Variants in DSG2 observed in about 807,000 individuals in gnomAD.
DSG2 encodes desmoglein-2.
DSG2 carries 45 observed loss-of-function variants against 75.6 expected under a neutral mutation model. The ratio of observed to expected loss-of-function variants is 0.60; its 90% CI spans 0.47 to 0.76. The LOEUF is 0.76. Among genes scored for constraint, DSG2 ranks in the 30% least tolerant of loss-of-function variants. The probability of loss-of-function intolerance (pLI) is 0.00; values close to 1 mark genes in which losing one functional copy is unlikely to be tolerated. For synonymous variants in DSG2, 429 were observed against 483.9 expected, an observed-to-expected ratio of 0.89 and a Z score of 1.49; for missense variants, 1,267 against 1,357.4, an observed-to-expected ratio of 0.93 and a Z score of 1.05.
At chr18:31,527,679 A>G (rs1325422021) in intron 8 of DSG2, among the ~76,000 whole-genome samples, 1 of 152,370 alleles carries the variant, frequency 6.6e-6, no homozygotes, top group African/African-American at 2.4e-5. Context: ...AATTAAAACT[A>G]TAAGAGATAC....
chr18:31,519,877 C>T lies in DSG2; in HGVS notation c.156C>T (p.Ile52=). The part of the protein sequence containing the change: ...PHLVRQKRAW[I]TAPVALREGE... The stretch of plus-strand genomic sequence containing the variant: ...TAGTGCGGCAAAAGCGCGCCTGGAT[C>T]ACCGCCCCCGTGGCTCTTCGGGAGG... Residue 52 remains isoleucine, a synonymous_variant, in exon 3 of 15, where the codon ATC becomes ATT. Coordinates refer to ENST00000261590, the MANE Select transcript of DSG2 (RefSeq NM_001943.5). The T allele has an allele frequency of 6.2e-7, 1 of 1,614,188 alleles. No homozygotes were observed. Among genetic ancestry groups the T allele is most frequent in the Non-Finnish European group, 8.5e-7 (1 of 1,180,038 alleles).
chr18:31,502,308 CTAAT>C (rs1221224488), intron 1 of DSG2, among the ~76,000 whole-genome samples: 2 of 152,064 alleles, frequency 1.3e-5, no homozygotes, highest in African/African-American at 2.4e-5. Context: ...CCCAATTGAT[CTAAT>C]TGTCAGACAA....
intron 1 of DSG2, among the ~76,000 whole-genome samples, chr18:31,498,616 G>A (rs993902934): frequency 1.3e-5 from 2 of 152,180 alleles, no homozygotes; most frequent in African/African-American, 4.8e-5. Context: ...GAACACCATT[G>A]CTGGGGGTCG....
intron 14 of DSG2, chr18:31,543,499 C>T (rs1324046523): frequency 6.6e-6 from 1 of 152,114 alleles, no homozygotes; most frequent in Non-Finnish European, 1.5e-5. Flanking sequence ...AGAAAAGTTC[C>T]AGGAAGATGA....
chr18:31,526,967 T>A (rs1267709604), intron 8 of DSG2, among the ~76,000 whole-genome samples: 3 of 152,166 alleles, frequency 2.0e-5, no homozygotes, highest in Non-Finnish European at 4.4e-5. Context: ...CATTTTTTTT[T>A]AAATTTAGTG....
intron 1 of DSG2, among the ~76,000 whole-genome samples, chr18:31,517,920 C>A (rs2144311048): frequency 6.6e-6 from 1 of 152,146 alleles, no homozygotes; most frequent in African/African-American, 2.4e-5. Context: ...CTGGAGAACA[C>A]AAGATAAAAA....
intron 8 of DSG2, 85 bp from the exon 9 acceptor site, chr18:31,530,902 C>T (rs895864588): frequency 7.3e-7 from 1 of 1,365,698 alleles, no homozygotes; most frequent in African/African-American, 1.4e-5. Context: ...TTGTATCTAA[C>T]ATTAAAACCA....
chr18:31,527,708 G>A (rs1598814642), intron 8 of DSG2, among the ~76,000 whole-genome samples: 1 of 152,186 alleles, frequency 6.6e-6, no homozygotes, highest in East Asian at 1.9e-4. Context: ...CTTCTAGAAT[G>A]GCAGAAATGA....
chr18:31,539,553 C>G lies in DSG2; in HGVS notation c.1879+575C>G, dbSNP rs2144348013. ...GTAAGATGTTCTCAACCAGTCCTGC[C>G]TGCCCTACCCACGCTCCAAAGACCT... On this transcript the variant is annotated intron_variant, in intron 12 of 14. Coordinates refer to ENST00000261590, the MANE Select transcript of DSG2 (RefSeq NM_001943.5). Among the ~76,000 whole-genome samples, 3 of 152,312 alleles carry G rather than the reference C, an allele frequency of 2.0e-5. No homozygotes were observed. In the South Asian group the frequency reaches 6.2e-4, roughly 32 times the overall value.
intron 1 of DSG2, among the ~76,000 whole-genome samples, chr18:31,510,789 G>A (rs1179472192): frequency 6.6e-6 from 1 of 152,146 alleles, no homozygotes; most frequent in East Asian, 1.9e-4. Context: ...TTGGATACAG[G>A]AACTAGCAGC....
intron 8 of DSG2, among the ~76,000 whole-genome samples, chr18:31,530,371 A>G (rs956812515): frequency 1.3e-5 from 2 of 152,180 alleles, no homozygotes; most frequent in Non-Finnish European, 2.9e-5. Flanking sequence ...ACATTAGAAA[A>G]AAAATCACTT....
At chr18:31,518,120 G>A (rs1201742975) in intron 1 of DSG2, 119 bp from the exon 2 acceptor site, 1 of 782,764 alleles carries the variant, frequency 1.3e-6, no homozygotes, top group East Asian at 2.7e-5. Flanking sequence ...AAGAATAGTA[G>A]TAGTGGTTAA....
At chr18:31,535,742 C>T (rs534439811) in intron 10 of DSG2, among the ~76,000 whole-genome samples, 72 of 150,468 alleles carry the variant, frequency 4.8e-4, no homozygotes, top group African/African-American at 1.6e-3. Flanking sequence ...GCGGAGATCG[C>T]GCCAGACAAA....
At chr18:31,532,485 T>C (rs2073204466) in intron 9 of DSG2, among the ~76,000 whole-genome samples, 1 of 152,160 alleles carries the variant, frequency 6.6e-6, no homozygotes, top group Non-Finnish European at 1.5e-5. Flanking sequence ...CCTAAAACAT[T>C]GTATTTAAGT....
In DSG2 at chr18:31,521,129, A is replaced by G; in HGVS notation, c.409A>G (p.Asn137Asp). Residue 137 changes from asparagine to aspartate, a missense_variant, in exon 5 of 15, where the codon AAC (asparagine) becomes GAC (aspartate). Coordinates refer to ENST00000261590, the MANE Select transcript of DSG2 (RefSeq NM_001943.5). ...AGGTTACGCTTTGGATGCAAGAGGA[A>G]ACAATGTAGAGAAACCCTTAGAGCT... ...LTGYALDARG[N>D]NVEKPLELRI... 6.2e-7 allele frequency: 1 copy of G among 1,614,042 alleles called. No homozygotes were observed. Among genetic ancestry groups the G allele is most frequent in the Non-Finnish European group, 8.5e-7 (1 of 1,179,950 alleles).
chr18:31,504,584 A>C (rs897971056), intron 1 of DSG2, among the ~76,000 whole-genome samples: 4 of 152,130 alleles, frequency 2.6e-5, no homozygotes, highest in African/African-American at 9.7e-5. Flanking sequence ...GACACAGTAC[A>C]TATATTACTA....
At chr18:31,518,725 TA>T (rs11391914) in intron 2 of DSG2, among the ~76,000 whole-genome samples, 43 of 148,518 alleles carry the variant, frequency 2.9e-4, no homozygotes, top group African/African-American at 5.9e-4. Context: ...TTTGTTCAAG[TA>T]AAAAAAAAAA....
chr18:31,508,685 G>A (rs559276128), intron 1 of DSG2, among the ~76,000 whole-genome samples: 1 of 152,296 alleles, frequency 6.6e-6, no homozygotes, highest in African/African-American at 2.4e-5. Flanking sequence ...TGAGCTTACA[G>A]GCGTGAGCCA....
At chr18:31,539,407 A>G (rs1342607799) in intron 12 of DSG2, among the ~76,000 whole-genome samples, 1 of 152,128 alleles carries the variant, frequency 6.6e-6, no homozygotes, top group Admixed American at 6.5e-5. Flanking sequence ...ATTCCAATCA[A>G]TCCTGCTTTG....
Sources: gnomAD v4.1 joint callset for allele counts (sites outside exome capture counted in the v4.1 genomes callset) on GRCh38, gnomAD v4.1.1 for gene constraint, MANE v1.5 for transcripts, NCBI Gene and HGNC (gene_info 2026-07-23, HGNC 2026-07-21) for gene names.